REV1: variants seen among roughly 807,000 people sequenced by gnomAD.
REV1 encodes REV1 DNA directed polymerase.
A neutral mutation model predicts 137.4 loss-of-function variants in REV1; 42 were observed. The observed-to-expected ratio is 0.31, with a 90% CI of 0.24 to 0.40. The LOEUF is 0.40. Ranked by LOEUF, REV1 falls within the 10% of genes least tolerant of loss-of-function variation. REV1 has a pLI of 1.00. For missense variants in REV1, 1,282 were observed against 1,490.1 expected (o/e 0.86, Z 2.30); for synonymous variants, 524 against 519.2 (o/e 1.01, Z -0.12).
chr2:99,402,922 T>C lies in REV1; in HGVS notation c.3351A>G (p.Leu1117=). 8.1e-6 allele frequency: 13 copies of C among 1,614,184 alleles called. No individual in the cohort carries two copies. The highest frequency in any genetic ancestry group is 1.1e-5 in the Non-Finnish European group (13 of 1,180,022). Residue 1117 remains leucine, a synonymous_variant, in exon 20 of 23, where the codon CTA becomes CTG. Coordinates refer to ENST00000258428, the MANE Select transcript of REV1 (RefSeq NM_016316.4). The part of the protein sequence containing the change: ...GSPQKLIDGF[L]KHEGPPAEKP... ...TCTCTGCAGGAGGTCCTTCATGTTT[T>C]AGAAACCCATCAATTAACTTCTGGG...
At chr2:99,472,605 G>A (rs139313089) in intron 1 of REV1, among the ~76,000 whole-genome samples, 84 of 152,360 alleles carry the variant, frequency 5.5e-4, no homozygotes, top group Middle Eastern at 3.4e-3. Context: ...CCTGCAAGCT[G>A]CAGTGGACAG....
In REV1 at chr2:99,434,412, C is replaced by G. The variant is rs748370195; in HGVS notation, c.1358G>C (p.Gly453Ala). Residue 453 changes from glycine to alanine, a missense_variant, in exon 8 of 23, where the codon GGA becomes GCA. By Grantham distance (60) the Gly-to-Ala change is moderately conservative. Coordinates refer to ENST00000258428, the MANE Select transcript of REV1 (RefSeq NM_016316.4). The stretch of plus-strand genomic sequence containing the variant: ...AGCGCCAGGACGTAAAGGTGCCCTT[C>G]CTGTGCCTCTGTTACTTGTAACAGC... ...PVAVTSNRGT[G>A]RAPLRPGANP... 1.2e-6 allele frequency: 2 copies of G among 1,603,982 alleles called. No individual in the cohort carries two copies. Among genetic ancestry groups the G allele is most frequent in the Non-Finnish European group, 1.7e-6 (2 of 1,175,422 alleles).
At chr2:99,463,913 C>T (rs187393915) in intron 2 of REV1, among the ~76,000 whole-genome samples, 36 of 152,164 alleles carry the variant, frequency 2.4e-4, no homozygotes, top group African/African-American at 8.2e-4. Context: ...TGTGAGCCAC[C>T]ACGCCCAACC....
chr2:99,488,563 A>C (rs1687335155), intron 1 of REV1, among the ~76,000 whole-genome samples: 2 of 49,786 alleles, frequency 4.0e-5, no homozygotes, highest in African/African-American at 6.7e-5. Context: ...AGCCTTGTAT[A>C]CTGGAGAATG....
intron 7 of REV1, 56 bp from the exon 8 acceptor site, chr2:99,434,504 G>A (rs1488478879): frequency 3.4e-6 from 4 of 1,170,330 alleles, no homozygotes; most frequent in African/African-American, 3.2e-5. Flanking sequence ...TTAACAACAT[G>A]TAAGCAAAAA....
intron 17 of REV1, chr2:99,405,377 T>A (rs910676902): frequency 6.5e-6 from 1 of 152,842 alleles, no homozygotes; most frequent in East Asian, 1.9e-4. Flanking sequence ...AGCCAGTATT[T>A]AACATCTCCT....
intron 3 of REV1, 24 bp downstream of exon 3, chr2:99,462,472 A>G: frequency 6.3e-7 from 1 of 1,582,104 alleles, no homozygotes; most frequent in Non-Finnish European, 8.6e-7. Context: ...ATGCCAAAAT[A>G]GGGTTAAGTA....
intron 1 of REV1, among the ~76,000 whole-genome samples, chr2:99,466,487 C>T (rs1684810595): frequency 6.6e-6 from 1 of 152,134 alleles, no homozygotes; most frequent in Non-Finnish European, 1.5e-5. Context: ...GGTGATCTGC[C>T]CGCCTATGCC....
At position 99,412,948 on chromosome 2, in the gene REV1, A is replaced by C; in HGVS notation, c.1955T>G (p.Val652Gly). 1.9e-6 allele frequency: 3 copies of C among 1,609,508 alleles called. No homozygotes were observed. The highest frequency in any genetic ancestry group is 2.6e-6 in the Non-Finnish European group (3 of 1,175,770). The change falls in exon 13 of 23, where the codon GTT becomes GGT. Residue 652 changes from valine (V) to glycine (G), a missense_variant. Around this residue, in one of 7 missense-constraint regions of REV1, gnomAD observed 372 missense variants for 482.3 expected, o/e 0.77. Transcript: ENST00000258428. ...CAACTTAGATTCCATTGAATGTCCAACTCCTAGGAAAGGGAATATAGTTAA... is the reference window on the plus strand; with the variant it reads ...CAACTTAGATTCCATTGAATGTCCACCTCCTAGGAAAGGGAATATAGTTAA... ...RGQLVTNLPG[V>G]GHSMESKLAS...
In REV1 at chr2:99,403,678, C is replaced by T. The variant is rs1178639507; in HGVS notation, c.3166+17G>A. 2 of 1,613,532 alleles carry T rather than the reference C, an allele frequency of 1.2e-6. No homozygotes were observed. The highest frequency in any genetic ancestry group is 1.7e-6 in the Non-Finnish European group (2 of 1,179,920). ...TCTTTGTCTTCATTTTTGTTACATGCCACTTCCAAGGCTCACCAGATGCGC... is the reference window on the plus strand; with the variant it reads ...TCTTTGTCTTCATTTTTGTTACATGTCACTTCCAAGGCTCACCAGATGCGC... On this transcript the variant is annotated intron_variant, in intron 19 of 22. Transcript: ENST00000258428.
intron 4 of REV1, among the ~76,000 whole-genome samples, chr2:99,447,904 G>A (rs1420732881): frequency 6.6e-6 from 1 of 151,986 alleles, no homozygotes; most frequent in Non-Finnish European, 1.5e-5. Context: ...TTTTAGTACA[G>A]ACAGGGTTTC....
chr2:99,466,828 G>A (rs147198562), intron 1 of REV1, among the ~76,000 whole-genome samples: 2 of 152,222 alleles, frequency 1.3e-5, no homozygotes, highest in Non-Finnish European at 2.9e-5. Context: ...AATACCCAAT[G>A]TGCTCATTAT....
chr2:99,431,673 C>A, intron 8 of REV1: 1 of 938,562 alleles, frequency 1.1e-6, no homozygotes, highest in Non-Finnish European at 1.3e-6. Flanking sequence ...TCTCTGTGGT[C>A]CATGCGCCCC....
chr2:99,406,726 T>C (rs903730302), intron 15 of REV1: 2 of 328,056 alleles, frequency 6.1e-6, no homozygotes, highest in East Asian at 9.8e-5. Context: ...TCCCAAAATA[T>C]ACCAAAAGAT....
Position 99,434,461 on chromosome 2 carries a change from TATTAA to T in REV1, c.1322-18_1322-14del, listed in dbSNP as rs751304421. The stretch of plus-strand genomic sequence containing the variant: ...GCCACTGGTTTTCCTGTGAGGAAAA[TATTAA>T]ATTATTTCTGTATGTGGTACAGGAA... On this transcript the variant is annotated splice_polypyrimidine_tract_variant and intron_variant, in intron 7 of 22. Transcript: ENST00000258428. The T allele has an allele frequency of 3.2e-6, 5 of 1,557,518 alleles. No homozygotes were observed. In the East Asian group the frequency reaches 1.1e-4, roughly 36 times the overall value.
intron 18 of REV1, among the ~76,000 whole-genome samples, chr2:99,404,210 C>T (rs760726976): frequency 4.6e-5 from 7 of 152,134 alleles, no homozygotes; most frequent in Non-Finnish European, 1.0e-4. Flanking sequence ...GTGTTTCTGT[C>T]TTAGCATGCC....
At chr2:99,459,101 G>A (rs191871605) in intron 3 of REV1, among the ~76,000 whole-genome samples, 1,995 of 152,102 alleles carry the variant, frequency 0.013, 41 homozygotes, top group African/African-American at 0.046. Flanking sequence ...CCAGCTACTC[G>A]GGAGGCTGAG....
At chr2:99,410,931 C>T (rs1677050040) in intron 13 of REV1, 64 bp from the exon 14 acceptor site, 5 of 1,384,960 alleles carry the variant, frequency 3.6e-6, no homozygotes, top group Admixed American at 2.4e-5. Context: ...TAATTGTTCT[C>T]AAGTATTTTA....
chr2:99,429,905 C>A lies in REV1; in HGVS notation c.1482G>T (p.Ala494=). The A allele has an allele frequency of 4.4e-6, 7 of 1,602,316 alleles. No homozygotes were observed. The highest frequency in any genetic ancestry group is 2.3e-5 in the East Asian group (1 of 44,136). Residue 494 remains alanine (A), a synonymous_variant, in exon 9 of 23, where the codon GCG becomes GCT. Transcript: ENST00000258428. ...AAACAGAATCAATTCCATTTGCTTGCGCAGAATCTGGATTCTCCCACAATG... is the reference window on the plus strand; with the variant it reads ...AAACAGAATCAATTCCATTTGCTTGAGCAGAATCTGGATTCTCCCACAATG... ...DSSLWENPDS[A]QANGIDSVLS...
Sources: allele counts gnomAD v4.1 joint callset (sites outside exome capture counted in the v4.1 genomes callset), GRCh38; gene constraint gnomAD v4.1.1; regional missense constraint gnomAD v4.1.1; transcripts MANE v1.5; gene names NCBI Gene and HGNC (gene_info 2026-07-23, HGNC 2026-07-21).